TTC28: variants seen among roughly 807,000 people sequenced by gnomAD.
TTC28 encodes tetratricopeptide repeat protein 28.
Under a neutral mutation model 198.0 loss-of-function variants are expected in TTC28, and 61 were observed. The observed-to-expected ratio is 0.31, with a 90% CI of 0.25 to 0.38. The LOEUF is 0.38. TTC28 is among the 10% of genes least tolerant of loss of function. The pLI, the probability that TTC28 is intolerant of heterozygous loss-of-function variation, is 1.00. For synonymous variants in TTC28, 1,171 were observed against 1,297.8 expected, an observed-to-expected ratio of 0.90 and a Z score of 2.10; for missense variants, 2,678 against 3,164.0, an observed-to-expected ratio of 0.85 and a Z score of 3.69.
chr22:28,367,224 GAAATA>G (rs2046262010), intron 2 of TTC28, among the ~76,000 whole-genome samples: 2 of 152,020 alleles, frequency 1.3e-5, no homozygotes, highest in Admixed American at 1.3e-4. Flanking sequence ...AAAAAAAATT[GAAATA>G]ATATCAAGTA....
chr22:28,253,201 A>G (rs1269740458), intron 5 of TTC28, among the ~76,000 whole-genome samples: 1 of 152,234 alleles, frequency 6.6e-6, no homozygotes, highest in Non-Finnish European at 1.5e-5. Flanking sequence ...TCTTTAAGGA[A>G]TATATTTCAA....
intron 5 of TTC28, among the ~76,000 whole-genome samples, chr22:28,175,041 A>T: frequency 6.6e-6 from 1 of 150,842 alleles, no homozygotes. Context: ...AAAAAAAAGG[A>T]CTGGGAAAAT....
In TTC28 at chr22:28,663,767, G is replaced by C. The variant is rs1174623871; in HGVS notation, c.102+15855C>G. ...GCTTGCTTAGGTAAACAAAGCAGCC[G>C]GGAAGCTCCAACTGGGTGGAGCCCA... On this transcript the variant is annotated intron_variant, in intron 1 of 22. Coordinates refer to ENST00000397906, the MANE Select transcript of TTC28 (RefSeq NM_001145418.2). Among the ~76,000 whole-genome samples the C allele has an allele frequency of 5.9e-5, 8 of 134,778 alleles. 1 individual carries two copies. Among genetic ancestry groups the C allele is most frequent in the African/African-American group, 8.6e-5 (3 of 34,836 alleles). 88.4% of individuals were successfully genotyped at this position (134,778 alleles called of 152,430 possible). A position where few individuals can be genotyped will look rare whatever the true frequency, so the allele number is the denominator to read the frequency against.
intron 2 of TTC28, among the ~76,000 whole-genome samples, chr22:28,533,430 C>A (rs1295444171): frequency 6.6e-6 from 1 of 152,170 alleles, no homozygotes; most frequent in Non-Finnish European, 1.5e-5. Context: ...AATGGAAGAA[C>A]ATTCCATGCT....
chr22:28,193,010 G>A (rs890663238), intron 5 of TTC28, among the ~76,000 whole-genome samples: 6 of 152,102 alleles, frequency 3.9e-5, no homozygotes, highest in East Asian at 1.9e-4. Context: ...AAGTTGAAAC[G>A]AAGGAAAAAA....
intron 12 of TTC28, among the ~76,000 whole-genome samples, chr22:28,090,759 A>T (rs1201380941): frequency 6.6e-6 from 1 of 152,154 alleles, no homozygotes; most frequent in African/African-American, 2.4e-5. Flanking sequence ...CTTCAGTGAA[A>T]TTTTCTTACT....
chr22:28,215,759 G>A (rs1927342083), intron 5 of TTC28, among the ~76,000 whole-genome samples: 2 of 152,088 alleles, frequency 1.3e-5, no homozygotes, highest in African/African-American at 4.8e-5. Flanking sequence ...CTTCCTTACT[G>A]ATCTTATGGT....
In TTC28 at chr22:28,263,046, A is replaced by T. The variant is rs183162743; in HGVS notation, c.933+33152T>A. On this transcript the variant is annotated intron_variant, in intron 5 of 22. Transcript: ENST00000397906. ...GAAGGCAGTCTGGAAGAATTCTAGAATCAGACTTGAAAAGTCCAAAGTGGT... is the reference window on the plus strand; with the variant it reads ...GAAGGCAGTCTGGAAGAATTCTAGATTCAGACTTGAAAAGTCCAAAGTGGT... Among the ~76,000 whole-genome samples the T allele has an allele frequency of 1.4e-3, 219 of 152,300 alleles. 1 individual carries two copies. The highest frequency in any genetic ancestry group is 2.4e-3 in the Admixed American group (37 of 15,282).
intron 1 of TTC28, among the ~76,000 whole-genome samples, chr22:28,638,363 A>G (rs903063409): frequency 9.2e-5 from 14 of 152,106 alleles, no homozygotes; most frequent in Admixed American, 6.5e-4. Flanking sequence ...AAATTATAAA[A>G]TATTAAAAGG....
At chr22:28,138,177 T>C (rs981113593) in intron 6 of TTC28, among the ~76,000 whole-genome samples, 20 of 152,304 alleles carry the variant, frequency 1.3e-4, no homozygotes, top group African/African-American at 4.6e-4. Flanking sequence ...TTTAATTCAT[T>C]CTGTGGAATG....
At chr22:28,538,554 CTCTTT>C (rs1214079279) in intron 2 of TTC28, among the ~76,000 whole-genome samples, 17 of 135,820 alleles carry the variant, frequency 1.3e-4, no homozygotes, top group African/African-American at 4.8e-4. Context: ...TAGCACCTTT[CTCTTT>C]TTTTTTTTTT....
At chr22:28,113,898 CTT>C (rs1159376553) in intron 6 of TTC28, among the ~76,000 whole-genome samples, 1 of 152,148 alleles carries the variant, frequency 6.6e-6, no homozygotes, top group East Asian at 1.9e-4. Context: ...CTTCTATAAT[CTT>C]TTTGGATCAG....
chr22:28,234,095 G>A (rs1424510692), intron 5 of TTC28, among the ~76,000 whole-genome samples: 1 of 151,686 alleles, frequency 6.6e-6, no homozygotes, highest in Non-Finnish European at 1.5e-5. Flanking sequence ...TTTTAGTAGA[G>A]ACAGGTTTCA....
chr22:28,432,617 C>A (rs2047450213), intron 2 of TTC28, among the ~76,000 whole-genome samples: 1 of 152,206 alleles, frequency 6.6e-6, no homozygotes, highest in African/African-American at 2.4e-5. Flanking sequence ...ATTAAAATTT[C>A]TTGAGAACCA....
intron 2 of TTC28, among the ~76,000 whole-genome samples, chr22:28,368,853 C>A (rs1035626235): frequency 1.3e-5 from 2 of 151,948 alleles, no homozygotes; most frequent in Non-Finnish European, 2.9e-5. Flanking sequence ...AAGATCTCTA[C>A]AATGGAAACT....
At chr22:28,268,076 T>A (rs1931802106) in intron 5 of TTC28, among the ~76,000 whole-genome samples, 1 of 152,162 alleles carries the variant, frequency 6.6e-6, no homozygotes, top group Non-Finnish European at 1.5e-5. Context: ...GTAAAGAGAT[T>A]AAAAGCAAAT....
intron 2 of TTC28, among the ~76,000 whole-genome samples, chr22:28,520,072 C>T (rs1208168589): frequency 1.3e-5 from 2 of 152,008 alleles, no homozygotes; most frequent in Non-Finnish European, 2.9e-5. Flanking sequence ...TACACAAAAG[C>T]CAGTTTCTAT....
chr22:28,088,817 G>GA (rs1056018024), intron 12 of TTC28, among the ~76,000 whole-genome samples: 19 of 152,050 alleles, frequency 1.2e-4, no homozygotes, highest in Non-Finnish European at 2.2e-4. Context: ...AAATTTACAA[G>GA]AAAAAAACAA....
intron 5 of TTC28, among the ~76,000 whole-genome samples, chr22:28,243,174 CAAAAAAAAAAAAAAAAAAAAA>C (rs754700795): frequency 1.1e-3 from 77 of 68,336 alleles, no homozygotes; most frequent in East Asian, 3.7e-3. Flanking sequence ...CCCCTCTCTA[CAAAAAAAAAAAAAAAAAAAAA>C]AAAAAAAAAA....
Sources: gnomAD v4.1 joint callset for allele counts (sites outside exome capture counted in the v4.1 genomes callset) on GRCh38, gnomAD v4.1.1 for gene constraint, MANE v1.5 for transcripts, NCBI Gene and HGNC (gene_info 2026-07-23, HGNC 2026-07-21) for gene names.